Variants in TASP1 observed in about 807,000 individuals in gnomAD.
TASP1 encodes the protein threonine aspartase 1.
A neutral mutation model predicts 56.6 loss-of-function variants in TASP1; 16 were observed. The ratio of observed to expected loss-of-function variants is 0.28; its 90% confidence interval spans 0.19 to 0.43. The LOEUF (loss-of-function observed/expected upper bound fraction) is 0.43, where lower values mean the gene tolerates loss of function less well. Ranked by LOEUF, TASP1 falls within the 20% of genes least tolerant of loss-of-function variation. TASP1 has a pLI of 1.00. For missense variants in TASP1, 393 were observed against 511.6 expected, an observed-to-expected ratio of 0.77 and a Z score of 2.24; for synonymous variants, 179 against 184.2, an observed-to-expected ratio of 0.97 and a Z score of 0.23.
Position 13,521,692 on chromosome 20 carries a change from T to C in TASP1, c.874+6741A>G, listed in dbSNP as rs1170386881. 4.0e-5 allele frequency among the ~76,000 whole-genome samples: 6 copies of C among 151,590 alleles called. 1 individual carries two copies. The highest frequency in any genetic ancestry group is 8.8e-5 in the Non-Finnish European group (6 of 67,918). On this transcript the variant is annotated intron_variant, in intron 10 of 13. Coordinates refer to ENST00000337743, the MANE Select transcript of TASP1 (RefSeq NM_017714.3). ...ATATACCTAATGTTAAATGACGAGT[T>C]AATGGGTGCAGCACACCAACATGGC... is the stretch of plus-strand genomic sequence containing the variant.
the TASP1 span, among the ~76,000 whole-genome samples, chr20:13,286,639 C>T: frequency 2.0e-5 from 3 of 152,174 alleles, no homozygotes; most frequent in Non-Finnish European, 2.9e-5. Context: ...GAGGAGGACA[C>T]AACCATGAAA....
At chr20:13,451,840 T>C (rs974516040) in intron 11 of TASP1, among the ~76,000 whole-genome samples, 8 of 152,162 alleles carry the variant, frequency 5.3e-5, no homozygotes, top group African/African-American at 1.9e-4. Flanking sequence ...GCTTTTGACA[T>C]GCCTTCCTCA....
At chr20:13,497,437 A>G (rs1259758273) in intron 10 of TASP1, among the ~76,000 whole-genome samples, 1 of 152,246 alleles carries the variant, frequency 6.6e-6, no homozygotes, top group African/African-American at 2.4e-5. Flanking sequence ...GTGAAAGTAA[A>G]AATATCCCCA....
the TASP1 span, among the ~76,000 whole-genome samples, chr20:13,364,100 CATTTT>C: frequency 5.8e-4 from 88 of 151,540 alleles, no homozygotes; most frequent in African/African-American, 2.1e-3. Context: ...AAAAAACAAA[CATTTT>C]AAATGTTATC....
intron 4 of TASP1, among the ~76,000 whole-genome samples, chr20:13,611,216 G>C (rs961857418): frequency 1.3e-5 from 2 of 152,146 alleles, no homozygotes; most frequent in African/African-American, 4.8e-5. Flanking sequence ...TATCCTTTAG[G>C]AAGTTATCAG....
chr20:13,320,104 C>T, the TASP1 span, among the ~76,000 whole-genome samples: 1 of 152,174 alleles, frequency 6.6e-6, no homozygotes, highest in Non-Finnish European at 1.5e-5. Flanking sequence ...ACACCAGGGT[C>T]CCCTCCTGTG....
chr20:13,393,727 C>G (rs1402251273), intron 13 of TASP1: 5 of 855,478 alleles, frequency 5.8e-6, no homozygotes, highest in South Asian at 2.8e-5. Context: ...GAGAGGCCCT[C>G]AGCTGCTGGG....
At chr20:13,624,950 C>G (rs1351904704) in intron 3 of TASP1, among the ~76,000 whole-genome samples, 4 of 152,052 alleles carry the variant, frequency 2.6e-5, no homozygotes, top group Admixed American at 2.0e-4. Flanking sequence ...TGATTGTGTG[C>G]CCACAATTAC....
chr20:13,619,081 G>A (rs1380054234), intron 4 of TASP1, among the ~76,000 whole-genome samples: 1 of 151,938 alleles, frequency 6.6e-6, no homozygotes, highest in Non-Finnish European at 1.5e-5. Flanking sequence ...CACCATATTG[G>A]CCAGGCTGGT....
At chr20:13,361,018 C>G in the TASP1 span, among the ~76,000 whole-genome samples, 5 of 152,290 alleles carry the variant, frequency 3.3e-5, no homozygotes, top group East Asian at 9.6e-4. Context: ...CTCTTAGAAC[C>G]TCTCATTTCC....
chr20:13,341,854 A>T, the TASP1 span, among the ~76,000 whole-genome samples: 3 of 152,220 alleles, frequency 2.0e-5, no homozygotes, highest in South Asian at 6.2e-4. Flanking sequence ...ACAATCACAC[A>T]TCTGGTAGTT....
the TASP1 span, among the ~76,000 whole-genome samples, chr20:13,183,083 G>T: frequency 6.6e-6 from 1 of 152,168 alleles, no homozygotes; most frequent in Non-Finnish European, 1.5e-5. Context: ...TAGGACAATA[G>T]CAAACATGAT....
the TASP1 span, among the ~76,000 whole-genome samples, chr20:13,161,632 T>C: frequency 6.6e-6 from 1 of 152,080 alleles, no homozygotes; most frequent in Non-Finnish European, 1.5e-5. Context: ...AGGAGGAGGG[T>C]CAAAATGCCC....
At chr20:13,331,179 A>G in the TASP1 span, among the ~76,000 whole-genome samples, 12 of 152,200 alleles carry the variant, frequency 7.9e-5, no homozygotes, top group African/African-American at 2.9e-4. Context: ...TGCATCCCAC[A>G]ATTTTGATAT....
the TASP1 span, among the ~76,000 whole-genome samples, chr20:13,136,853 G>A: frequency 6.6e-6 from 1 of 151,532 alleles, no homozygotes; most frequent in Non-Finnish European, 1.5e-5. Context: ...TGCAAAAAAG[G>A]TCATAAATAG....
the TASP1 span, among the ~76,000 whole-genome samples, chr20:13,171,203 T>C: frequency 1.4e-4 from 22 of 152,226 alleles, no homozygotes; most frequent in Non-Finnish European, 1.3e-4. Context: ...ATTTTTATAG[T>C]GTCCATCTCA....
At chr20:13,525,007 C>T (rs1036369462) in intron 10 of TASP1, among the ~76,000 whole-genome samples, 1 of 152,190 alleles carries the variant, frequency 6.6e-6, no homozygotes, top group Admixed American at 6.5e-5. Context: ...ATACTTCTCA[C>T]TGATGAGACA....
At chr20:13,506,771 T>A (rs1197952613) in intron 10 of TASP1, among the ~76,000 whole-genome samples, 1 of 152,010 alleles carries the variant, frequency 6.6e-6, no homozygotes, top group Non-Finnish European at 1.5e-5. Flanking sequence ...TCAACTTCAA[T>A]GGTCAAAAGT....
At chr20:13,608,800 C>T (rs73270714) in intron 4 of TASP1, among the ~76,000 whole-genome samples, 115 of 152,260 alleles carry the variant, frequency 7.6e-4, no homozygotes, top group African/African-American at 2.6e-3. Flanking sequence ...TAGCAGTGAA[C>T]GAAACAGAAA....
Sources: gnomAD v4.1 joint callset for allele counts (sites outside exome capture counted in the v4.1 genomes callset) on GRCh38, gnomAD v4.1.1 for gene constraint, MANE v1.5 for transcripts, NCBI Gene and HGNC (gene_info 2026-07-23, HGNC 2026-07-21) for gene names.